RASGRF1: variants seen among roughly 807,000 people sequenced by gnomAD.
RASGRF1 encodes ras-specific guanine nucleotide-releasing factor 1.
In RASGRF1, 40 loss-of-function variants were observed where a neutral mutation model predicts 138.7. The observed-to-expected ratio is 0.29, with a 90% confidence interval of 0.22 to 0.38. The LOEUF (loss-of-function observed/expected upper bound fraction) is 0.38, where lower values mean the gene tolerates loss of function less well. Among genes scored for constraint, RASGRF1 ranks in the 10% least tolerant of loss-of-function variants. The pLI, the probability that RASGRF1 is intolerant of heterozygous loss-of-function variation, is 1.00. For synonymous variants in RASGRF1, 614 were observed against 663.2 expected (o/e 0.93, Z 1.14); for missense variants, 1,108 against 1,650.4 (o/e 0.67, Z 5.69).
In RASGRF1 at chr15:79,050,230, T is replaced by C. The variant is rs2057411684; in HGVS notation, c.532-642A>G. Reference sequence around the variant, plus strand: ...GAATTGGACTCCTCTAGGTACCTCATCTAAGCGGAATCATGCACTATTTGT... The same window carrying C: ...GAATTGGACTCCTCTAGGTACCTCACCTAAGCGGAATCATGCACTATTTGT... On this transcript the variant is annotated intron_variant, in intron 3 of 26. Transcript: ENST00000558480. This position sits in a 1 kb window ranked among gnomAD's most constrained non-coding sequence, Gnocchi z 4.1. 6.6e-6 allele frequency among the ~76,000 whole-genome samples: 1 copy of C among 152,190 alleles called. No individual in the cohort carries two copies. Among genetic ancestry groups the C allele is most frequent in the Non-Finnish European group, 1.5e-5 (1 of 68,036 alleles).
intron 8 of RASGRF1, among the ~76,000 whole-genome samples, 154 bp from the exon 9 acceptor site, chr15:79,028,013 T>C (rs550759816): frequency 6.6e-6 from 1 of 152,236 alleles, no homozygotes; most frequent in African/African-American, 2.4e-5. Flanking sequence ...GAGTGTGCAT[T>C]TACTGAGTGC....
chr15:79,027,687 C>T lies in RASGRF1; in HGVS notation c.1381+54G>A, dbSNP rs957568155. The T allele has an allele frequency of 2.7e-5, 42 of 1,560,264 alleles. No individual in the cohort carries two copies. Among genetic ancestry groups the T allele is most frequent in the Middle Eastern group, 1.7e-4 (1 of 5,822 alleles). ...GCGTCCCCGAGTGCCGCCTCCCTCCCGCTGCTGGGGCCCACCTGGTGGGGG... is the reference window on the plus strand; with the variant it reads ...GCGTCCCCGAGTGCCGCCTCCCTCCTGCTGCTGGGGCCCACCTGGTGGGGG... On this transcript the variant is annotated intron_variant, in intron 9 of 26. Coordinates refer to ENST00000558480, the MANE Select transcript of RASGRF1 (RefSeq NM_001145648.3). This position sits in a 1 kb window ranked among gnomAD's most constrained non-coding sequence, Gnocchi z 4.8.
chr15:78,972,901 C>T (rs866162792), intron 25 of RASGRF1, among the ~76,000 whole-genome samples: 3 of 152,116 alleles, frequency 2.0e-5, no homozygotes, highest in African/African-American at 7.2e-5. Context: ...ACGAACAATA[C>T]GGATGGGTGT....
Position 79,060,983 on chromosome 15 carries a change from C to G in RASGRF1, c.384-2502G>C, listed in dbSNP as rs181804667. On this transcript the variant is annotated intron_variant, in intron 2 of 26. Transcript: ENST00000558480. ...GTGGTTGTGATCCAATTGAATGAGA[C>G]TTTAAAAGCGGGGAGTTTTCTCTGC... Among the ~76,000 whole-genome samples the G allele has an allele frequency of 5.3e-4, 81 of 152,148 alleles. 2 individuals carry two copies. The highest frequency in any genetic ancestry group is 1.8e-3 in the African/African-American group (75 of 41,504).
intron 13 of RASGRF1, among the ~76,000 whole-genome samples, chr15:79,014,714 G>A (rs576977328): frequency 3.9e-5 from 6 of 152,032 alleles, no homozygotes; most frequent in Non-Finnish European, 8.8e-5. Flanking sequence ...TCAGGAGATC[G>A]AGACCATACT....
chr15:79,078,012 G>A (rs1024423025), intron 1 of RASGRF1, among the ~76,000 whole-genome samples: 2 of 152,148 alleles, frequency 1.3e-5, no homozygotes, highest in Non-Finnish European at 2.9e-5. Flanking sequence ...CCCCAGCTGG[G>A]TCCTGGCTCC....
intron 24 of RASGRF1, chr15:78,979,007 G>C: frequency 1.5e-6 from 2 of 1,293,242 alleles, no homozygotes; most frequent in Non-Finnish European, 2.0e-6. Flanking sequence ...AGAGGCAGTG[G>C]AGGCAGCGGT....
chr15:79,008,539 G>A (rs1263950256), intron 13 of RASGRF1, among the ~76,000 whole-genome samples: 1 of 152,226 alleles, frequency 6.6e-6, no homozygotes, highest in Non-Finnish European at 1.5e-5. Context: ...ACCATGAAGA[G>A]GGAGTAATCC....
At chr15:79,007,545 G>GTTTTTT (rs5813951) in intron 13 of RASGRF1, among the ~76,000 whole-genome samples, 8 of 108,958 alleles carry the variant, frequency 7.3e-5, no homozygotes, top group Admixed American at 1.0e-4. Flanking sequence ...GCCGTATCTA[G>GTTTTTT]TTTTTTTTTT....
At chr15:78,992,860 C>T (rs560538216) in intron 20 of RASGRF1, among the ~76,000 whole-genome samples, 5 of 152,320 alleles carry the variant, frequency 3.3e-5, no homozygotes, top group South Asian at 2.1e-4. Flanking sequence ...CCTCCACAGA[C>T]GGGCACTGAG....
At chr15:78,997,918 T>C in intron 19 of RASGRF1, 178 bp downstream of exon 19, 1 of 596,552 alleles carries the variant, frequency 1.7e-6, no homozygotes, top group Non-Finnish European at 3.0e-6. Flanking sequence ...ACAAATAGAC[T>C]ACCCAGCCCT....
chr15:79,031,865 C>A (rs1358014214), intron 7 of RASGRF1, among the ~76,000 whole-genome samples: 1 of 152,050 alleles, frequency 6.6e-6, no homozygotes, highest in Non-Finnish European at 1.5e-5. Flanking sequence ...GAGGCTCTTC[C>A]AGGGTCTTGT....
chr15:79,049,392 C>T (rs1567577094), intron 4 of RASGRF1, 104 bp downstream of exon 4: 5 of 1,043,344 alleles, frequency 4.8e-6, no homozygotes, highest in South Asian at 1.4e-5. Context: ...GGATGGGGGG[C>T]ACGCTCTGAG....
chr15:78,995,879 G>A, intron 19 of RASGRF1, 79 bp from the exon 20 acceptor site: 1 of 1,398,020 alleles, frequency 7.2e-7, no homozygotes, highest in African/African-American at 1.4e-5. Context: ...GCCCCACACG[G>A]CCTCTGCTCT....
At chr15:79,070,368 T>C (rs940563703) in intron 1 of RASGRF1, among the ~76,000 whole-genome samples, 1 of 152,218 alleles carries the variant, frequency 6.6e-6, no homozygotes, top group Admixed American at 6.5e-5. Flanking sequence ...GATGCTTCAG[T>C]TCAGCCTTAG....
intron 10 of RASGRF1, among the ~76,000 whole-genome samples, chr15:79,024,028 CACACACAT>C (rs1052850920): frequency 3.4e-5 from 5 of 148,818 alleles, no homozygotes; most frequent in South Asian, 2.1e-4. Flanking sequence ...ATCACACACA[CACACACAT>C]ACAAACACAC....
At chr15:79,088,590 T>C (rs1294213112) in intron 1 of RASGRF1, among the ~76,000 whole-genome samples, 1 of 152,080 alleles carries the variant, frequency 6.6e-6, no homozygotes, top group Non-Finnish European at 1.5e-5. Flanking sequence ...CACCCCTCAC[T>C]TCCTGCCTAC....
chr15:79,086,109 G>A (rs372017106), intron 1 of RASGRF1, among the ~76,000 whole-genome samples: 38 of 152,270 alleles, frequency 2.5e-4, no homozygotes, highest in African/African-American at 8.7e-4. Context: ...GATTGGGCAT[G>A]GTCTGGAACG....
chr15:78,996,533 C>G (rs1459333471), intron 19 of RASGRF1, among the ~76,000 whole-genome samples: 1 of 152,152 alleles, frequency 6.6e-6, no homozygotes, highest in African/African-American at 2.4e-5. Context: ...CCTCAGGGAA[C>G]TGCCTCACCT....
Sources: allele counts gnomAD v4.1 joint callset (sites outside exome capture counted in the v4.1 genomes callset), GRCh38; gene constraint gnomAD v4.1.1; non-coding constraint Gnocchi (gnomAD v3.1); transcripts MANE v1.5; gene names NCBI Gene and HGNC (gene_info 2026-07-23, HGNC 2026-07-21).